KALRN: variants seen among roughly 807,000 people sequenced by gnomAD.
KALRN encodes kalirin RhoGEF kinase, also known as kalirin.
KALRN carries 70 observed loss-of-function variants against 353.7 expected under a neutral mutation model. The ratio of observed to expected loss-of-function variants is 0.20; its 90% confidence interval spans 0.16 to 0.24. The LOEUF (loss-of-function observed/expected upper bound fraction) is 0.24. KALRN is among the 10% of genes least tolerant of loss of function. The pLI is 1.00. For synonymous variants in KALRN, 1,391 were observed against 1,434.8 expected (o/e 0.97, Z 0.69); for missense variants, 2,791 against 3,756.7 (o/e 0.74, Z 6.72).
At chr3:124,652,952 G>A (rs770847242) in intron 38 of KALRN, among the ~76,000 whole-genome samples, 4 of 152,068 alleles carry the variant, frequency 2.6e-5, no homozygotes, top group Non-Finnish European at 5.9e-5. Flanking sequence ...GATTCAACAG[G>A]CCACAAAAGT....
intron 1 of KALRN, among the ~76,000 whole-genome samples, chr3:124,102,783 A>C (rs561307005): frequency 6.6e-6 from 1 of 152,368 alleles, no homozygotes; most frequent in East Asian, 1.9e-4. Context: ...TAGGAAACCT[A>C]ATAAATAACT....
At chr3:124,305,832 T>A (rs1236524285) in intron 6 of KALRN, among the ~76,000 whole-genome samples, 1 of 151,590 alleles carries the variant, frequency 6.6e-6, no homozygotes, top group Non-Finnish European at 1.5e-5. Flanking sequence ...AAAAAAATTA[T>A]GACACATGCA....
At chr3:124,455,434 A>G in intron 22 of KALRN, 75 bp downstream of exon 22, 1 of 1,415,280 alleles carries the variant, frequency 7.1e-7, no homozygotes, top group South Asian at 1.3e-5. Context: ...ATCGCCATGG[A>G]AGAAAAGCAT....
chr3:124,379,573 A>G (rs947116272), intron 10 of KALRN, among the ~76,000 whole-genome samples: 1 of 152,260 alleles, frequency 6.6e-6, no homozygotes, highest in African/African-American at 2.4e-5. Flanking sequence ...GGACCAGAGC[A>G]GTTCTCATTC....
Position 124,182,938 on chromosome 3 carries a change from G to T in KALRN, c.74-45052G>T, listed in dbSNP as rs550878241. Among the ~76,000 whole-genome samples, 6 of 152,302 alleles carry T rather than the reference G, an allele frequency of 3.9e-5. No individual in the cohort carries two copies. The East Asian group carries it at 1.2e-3, about 29-fold the overall frequency. On this transcript the variant is annotated intron_variant, in intron 1 of 59. Coordinates refer to ENST00000682506, the MANE Select transcript of KALRN (RefSeq NM_001388419.1). ...AATAAAGTGTTGGGGAAGAGGAGCT[G>T]GAAAGTTCAAAATATTGAGTATTTG...
At chr3:124,255,725 G>C (rs547629261) in intron 3 of KALRN, among the ~76,000 whole-genome samples, 21 of 152,238 alleles carry the variant, frequency 1.4e-4, no homozygotes, top group Admixed American at 1.3e-3. Context: ...CCTTATCCCA[G>C]TGCAGATGGA....
Position 124,152,771 on chromosome 3 carries a change from T to TTTTG in KALRN, c.74-75199_74-75196dup, listed in dbSNP as rs562587190. The TTTTG allele has an allele frequency of 4.0e-4, 141 of 348,316 alleles. 2 individuals carry two copies. In the East Asian group the frequency reaches 4.6e-3, roughly 11 times the overall value. The allele number at this position is 348,316 out of a possible 1,614,324, so 21.6% of individuals were successfully genotyped here. On this transcript the variant is annotated intron_variant, in intron 1 of 59. Transcript: ENST00000682506. The stretch of plus-strand genomic sequence containing the variant: ...ACTGTGGCTGGCTAATTTTTGTAGT[T>TTTTG]TTTGTTTGTTTGTTTGTTTGTTTTT...
At chr3:124,253,219 A>T (rs2071424358) in intron 3 of KALRN, among the ~76,000 whole-genome samples, 1 of 152,008 alleles carries the variant, frequency 6.6e-6, no homozygotes, top group Non-Finnish European at 1.5e-5. Context: ...ACAGCCAGAG[A>T]CTCTCCACAT....
intron 33 of KALRN, among the ~76,000 whole-genome samples, chr3:124,543,304 CTT>C (rs869114594): frequency 6.3e-5 from 9 of 141,906 alleles, no homozygotes; most frequent in Admixed American, 7.1e-5. Flanking sequence ...AATTTACGGA[CTT>C]TTTTTTTTTT....
chr3:124,205,555 A>G (rs1448713885), intron 1 of KALRN, among the ~76,000 whole-genome samples: 3 of 152,216 alleles, frequency 2.0e-5, no homozygotes, highest in Non-Finnish European at 4.4e-5. Flanking sequence ...GGCATATGGT[A>G]TGAAGCAAAT....
intron 33 of KALRN, chr3:124,504,653 C>CAT (rs1213734951): frequency 1.4e-5 from 5 of 355,586 alleles, no homozygotes; most frequent in African/African-American, 1.1e-4. Context: ...TGACTCACAT[C>CAT]ATAGCCTTGG....
Position 124,248,497 on chromosome 3 carries a change from G to A in KALRN, c.263+13554G>A, listed in dbSNP as rs1373611. Among the ~76,000 whole-genome samples the A allele has an allele frequency of 0.036, 5,438 of 152,246 alleles. 657 individuals are homozygous for A. The East Asian group carries it at 0.44, about 12-fold the overall frequency. On this transcript the variant is annotated intron_variant, in intron 3 of 59. Transcript: ENST00000682506. ...CTAGCAGTGGACTCAGTCTCACCAA[G>A]GAGCTATATTCTTGTTTCTAAATTA...
At chr3:124,668,043 G>GAGACACAC (rs747214390) in intron 47 of KALRN, among the ~76,000 whole-genome samples, 1 of 138,314 alleles carries the variant, frequency 7.2e-6, no homozygotes, top group Non-Finnish European at 1.5e-5. Context: ...TGTATATCGA[G>GAGACACAC]ACACACACAC....
intron 11 of KALRN, among the ~76,000 whole-genome samples, chr3:124,391,792 G>A (rs1361908059): frequency 2.0e-5 from 3 of 152,172 alleles, no homozygotes; most frequent in Admixed American, 6.5e-5. Flanking sequence ...TGTGCACCAT[G>A]TCCACAATTT....
intron 3 of KALRN, among the ~76,000 whole-genome samples, chr3:124,261,742 A>G (rs907348931): frequency 6.6e-6 from 1 of 152,200 alleles, no homozygotes; most frequent in South Asian, 2.1e-4. Flanking sequence ...AGCAACAGAG[A>G]TGGAGTCTGA....
intron 34 of KALRN, among the ~76,000 whole-genome samples, chr3:124,588,160 G>T (rs1040044216): frequency 6.6e-6 from 1 of 152,144 alleles, no homozygotes; most frequent in South Asian, 2.1e-4. Flanking sequence ...ATTTATAACT[G>T]CCTTTTTGAA....
At chr3:124,651,063 C>A in intron 38 of KALRN, 125 bp downstream of exon 38, 1 of 1,200,898 alleles carries the variant, frequency 8.3e-7, no homozygotes, top group Non-Finnish European at 1.2e-6. Flanking sequence ...CATTCTAAGA[C>A]TCAGATCTGT....
At chr3:124,711,540 C>T (rs1356850666) in intron 57 of KALRN, among the ~76,000 whole-genome samples, 1 of 152,124 alleles carries the variant, frequency 6.6e-6, no homozygotes, top group African/African-American at 2.4e-5. Flanking sequence ...ATGGTGCTGC[C>T]TTGTCACCTC....
intron 28 of KALRN, among the ~76,000 whole-genome samples, chr3:124,486,099 T>C (rs3755677): frequency 0.23 from 34,593 of 151,988 alleles, 5,388 homozygotes; most frequent in East Asian, 0.49. Flanking sequence ...TACGTCAGAG[T>C]GCTCAATATT....
Sources: gnomAD v4.1 joint callset for allele counts (sites outside exome capture counted in the v4.1 genomes callset) on GRCh38, gnomAD v4.1.1 for gene constraint, MANE v1.5 for transcripts, NCBI Gene and HGNC (gene_info 2026-07-23, HGNC 2026-07-21) for gene names.